The following MEGF8 variants were observed in gnomAD, a reference collection of about 807,000 sequenced individuals.
MEGF8 encodes multiple epidermal growth factor-like domains protein 8.
Under a neutral mutation model 302.9 loss-of-function variants are expected in MEGF8, and 156 were observed. That is an observed-to-expected ratio of 0.52 (90% confidence interval 0.45 to 0.59). MEGF8 has a LOEUF of 0.59. Ranked by LOEUF, MEGF8 falls within the 20% of genes least tolerant of loss-of-function variation. The pLI is 0.00. For synonymous variants in MEGF8, 1,621 were observed against 1,660.5 expected (o/e 0.98, Z 0.58); for missense variants, 3,345 against 3,964.5 (o/e 0.84, Z 4.20).
chr19:42,335,222 AG>A lies in MEGF8; in HGVS notation c.739+8del. On this transcript the variant is annotated splice_region_variant and intron_variant, in intron 4 of 41. Transcript: ENST00000251268. ...CTGCTGGCAGTTTTCGGAGGTGAGCAGATGGGGCGAGTATCTGGGATCTGGA... is the reference window on the plus strand; with the variant it reads ...CTGCTGGCAGTTTTCGGAGGTGAGCAATGGGGCGAGTATCTGGGATCTGGA... 1 of 1,613,994 alleles carries A rather than the reference AG, an allele frequency of 6.2e-7. No individual in the cohort carries two copies. Among genetic ancestry groups the A allele is most frequent in the Non-Finnish European group, 8.5e-7 (1 of 1,179,888 alleles).
intron 23 of MEGF8, 50 bp from the exon 24 acceptor site, chr19:42,355,707 AG>A (rs1225055920): frequency 2.3e-5 from 35 of 1,500,622 alleles, no homozygotes; most frequent in Non-Finnish European, 3.1e-5. Context: ...TGGGGGTGGA[AG>A]GGGCCAGGAA....
chr19:42,369,943 C>T lies in MEGF8; in HGVS notation c.6834+220C>T, dbSNP rs1006858504. 1.3e-5 allele frequency among the ~76,000 whole-genome samples: 2 copies of T among 152,160 alleles called. No homozygotes were observed. The highest frequency in any genetic ancestry group is 6.5e-5 in the Admixed American group (1 of 15,280). On this transcript the variant is annotated intron_variant, in intron 38 of 41. Transcript: ENST00000251268. The surrounding 1 kb of genome is among the most constrained non-coding windows in gnomAD (Gnocchi z 5.7). ...GGAATAGTGGACGGAGTGGGTGCTG[C>T]GCCAGGAGGACAGGCACGTGGAGGA...
Position 42,334,003 on chromosome 19 carries a change from G to A in MEGF8, c.352-4G>A, listed in dbSNP as rs143955737. 3.1e-3 allele frequency: 5,023 copies of A among 1,612,054 alleles called. 231 individuals carry two copies. In the Admixed American group the frequency reaches 0.075, roughly 24 times the overall value. Reference sequence around the variant, plus strand: ...ACCTTACCCAGCACACCTTGTGCCCGCAGATGCTGCTGCACCTCTTCAGTG... The same window carrying A: ...ACCTTACCCAGCACACCTTGTGCCCACAGATGCTGCTGCACCTCTTCAGTG... On this transcript the variant is annotated splice_polypyrimidine_tract_variant and splice_region_variant and intron_variant, in intron 2 of 41. Transcript: ENST00000251268.
chr19:42,375,388 G>A lies in MEGF8; in HGVS notation c.7270-119G>A. 9.4e-7 allele frequency: 1 copy of A among 1,058,568 alleles called. No individual in the cohort carries two copies. The highest frequency in any genetic ancestry group is 1.3e-6 in the Non-Finnish European group (1 of 752,094). The allele number at this position is 1,058,568 out of a possible 1,614,324, so 65.6% of individuals were successfully genotyped here. A position where few individuals can be genotyped will look rare whatever the true frequency, so the allele number is the denominator to read the frequency against. ...CAGGGAAGTGACTGGGGCAGTGGGG[G>A]TGAGGCCCAGGGCAATGGCTACTTA... On this transcript the variant is annotated intron_variant, in intron 41 of 41. Transcript: ENST00000251268. This position sits in a 1 kb window ranked among gnomAD's most constrained non-coding sequence, Gnocchi z 7.1.
chr19:42,334,612 C>T (rs1020060322), intron 3 of MEGF8, among the ~76,000 whole-genome samples: 1 of 152,142 alleles, frequency 6.6e-6, no homozygotes, highest in African/African-American at 2.4e-5. Flanking sequence ...ATCTGGATTG[C>T]GCTTTGAGCC....
chr19:42,336,799 T>G lies in MEGF8; in HGVS notation c.1245-8T>G. On this transcript the variant is annotated splice_polypyrimidine_tract_variant and splice_region_variant and intron_variant, in intron 6 of 41. Transcript: ENST00000251268. This position sits in a 1 kb window ranked among gnomAD's most constrained non-coding sequence, Gnocchi z 4.8. ...CCCTGAGCCCCTGCCCTGCTTCTCCTTCGGTAGGTTCTCTGTGCGAGTGAA... is the reference window on the plus strand; with the variant it reads ...CCCTGAGCCCCTGCCCTGCTTCTCCGTCGGTAGGTTCTCTGTGCGAGTGAA... 6.3e-7 allele frequency: 1 copy of G among 1,574,944 alleles called. No homozygotes were observed. Among genetic ancestry groups the G allele is most frequent in the Non-Finnish European group, 8.6e-7 (1 of 1,160,796 alleles).
At chr19:42,330,193 G>A (rs2039037687) in intron 1 of MEGF8, among the ~76,000 whole-genome samples, 1 of 152,108 alleles carries the variant, frequency 6.6e-6, no homozygotes, top group African/African-American at 2.4e-5. Flanking sequence ...TCTGCCCTGG[G>A]ATTACAGACG....
At position 42,370,785 on chromosome 19, in the gene MEGF8, G is replaced by C; in HGVS notation, c.7090G>C (p.Glu2364Gln). The change falls in exon 40 of 42, where the codon GAG becomes CAG. Residue 2364 changes from glutamate to glutamine, a missense_variant. By Grantham distance (29) the Glu-to-Gln change is conservative. Transcript: ENST00000251268. ...CQNNSYGEKC[E>Q]SCLQGYFLLD... ...GAATAACAGCTATGGGGAGAAATGCGAGAGCTGCCTGCAGGGCTACTTCCT... is the reference window on the plus strand; with the variant it reads ...GAATAACAGCTATGGGGAGAAATGCCAGAGCTGCCTGCAGGGCTACTTCCT... The C allele has an allele frequency of 1.3e-6, 2 of 1,516,810 alleles. No homozygotes were observed. Among genetic ancestry groups the C allele is most frequent in the Non-Finnish European group, 9.0e-7 (1 of 1,116,468 alleles). 94.0% of individuals were successfully genotyped at this position (1,516,810 alleles called of 1,614,324 possible).
At chr19:42,330,544 G>T (rs2039042517) in intron 1 of MEGF8, among the ~76,000 whole-genome samples, 1 of 152,196 alleles carries the variant, frequency 6.6e-6, no homozygotes, top group South Asian at 2.1e-4. Context: ...CTGATGTCTT[G>T]GGGGCTCTGG....
In MEGF8 at chr19:42,374,733, T is replaced by C. The variant is rs552035969; in HGVS notation, c.7270-774T>C. Among the ~76,000 whole-genome samples, 14 of 152,336 alleles carry C rather than the reference T, an allele frequency of 9.2e-5. No homozygotes were observed. In the South Asian group the frequency reaches 2.9e-3, roughly 32 times the overall value. On this transcript the variant is annotated intron_variant, in intron 41 of 41. Coordinates refer to ENST00000251268, the MANE Select transcript of MEGF8 (RefSeq NM_001271938.2). ...CTGTCTTTAGGAGTTTGCATTCTCATGGAGGCATCAGAAATGAACAAACAA... is the reference window on the plus strand; with the variant it reads ...CTGTCTTTAGGAGTTTGCATTCTCACGGAGGCATCAGAAATGAACAAACAA...
chr19:42,343,819 A>G, intron 9 of MEGF8, 135 bp from the exon 10 acceptor site: 1 of 1,378,226 alleles, frequency 7.3e-7, no homozygotes. Context: ...TGGGGGAGGA[A>G]TGGATGGGCA....
In MEGF8 at chr19:42,351,215, G is replaced by A; in HGVS notation, c.2737-1G>A. The A allele has an allele frequency of 6.4e-7, 1 of 1,557,922 alleles. No homozygotes were observed. Among genetic ancestry groups the A allele is most frequent in the Non-Finnish European group, 8.7e-7 (1 of 1,150,990 alleles). On this transcript the variant is annotated splice_acceptor_variant, in intron 15 of 41. Transcript: ENST00000251268. LOFTEE classifies it high-confidence loss of function. The surrounding 1 kb of genome is among the most constrained non-coding windows in gnomAD (Gnocchi z 5.6). ...GACTCCTCTGCCCAACTGACCCCCAGGACCCCTTCTGTGAGTGGCATCAGA... is the reference window on the plus strand; with the variant it reads ...GACTCCTCTGCCCAACTGACCCCCAAGACCCCTTCTGTGAGTGGCATCAGA...
At position 42,369,755 on chromosome 19, in the gene MEGF8, C is replaced by T; in HGVS notation, c.6834+32C>T. The T allele has an allele frequency of 1.6e-5, 25 of 1,564,458 alleles. No homozygotes were observed. Among genetic ancestry groups the T allele is most frequent in the Non-Finnish European group, 2.2e-5 (25 of 1,157,152 alleles). On this transcript the variant is annotated intron_variant, in intron 38 of 41. Transcript: ENST00000251268. The surrounding 1 kb of genome is among the most constrained non-coding windows in gnomAD (Gnocchi z 5.7). Reference sequence around the variant, plus strand: ...CGCCCGGAGCCTCAGACCCCCGACCCTGGGACCCAGGCCCTCACTTGCCTT... The same window carrying T: ...CGCCCGGAGCCTCAGACCCCCGACCTTGGGACCCAGGCCCTCACTTGCCTT...
rs1460969535 is a variant in MEGF8 at position 42,378,162 on chromosome 19, T to C, written c.*1387T>C. On this transcript the variant is annotated 3_prime_UTR_variant, in exon 42 of 42. Coordinates refer to ENST00000251268, the MANE Select transcript of MEGF8 (RefSeq NM_001271938.2). ...CACTGAATATTTCAACAGCAGAAAT[T>C]GAATGGGGGGATTGATAGCGCTGGC... 1 of 151,924 alleles carries C rather than the reference T, an allele frequency of 6.6e-6. No homozygotes were observed. The highest frequency in any genetic ancestry group is 6.6e-5 in the Admixed American group (1 of 15,252). 9.4% of individuals were successfully genotyped at this position (151,924 alleles called of 1,614,324 possible). A position where few individuals can be genotyped will look rare whatever the true frequency, so the allele number is the denominator to read the frequency against.
rs1269972290 is a variant in MEGF8, at chr19:42,354,210, C to T, written c.4011+186C>T. ...TCCTAGGCCCACAGACAGACCCCCC[C>T]ATTTCCCAGATAGCTTCCTATTTCC... On this transcript the variant is annotated intron_variant, in intron 22 of 41. Transcript: ENST00000251268. The surrounding 1 kb of genome is among the most constrained non-coding windows in gnomAD (Gnocchi z 4.3). Among the ~76,000 whole-genome samples, 1 of 152,018 alleles carries T rather than the reference C, an allele frequency of 6.6e-6. No homozygotes were observed. The highest frequency in any genetic ancestry group is 1.5e-5 in the Non-Finnish European group (1 of 67,986).
chr19:42,351,545 G>C lies in MEGF8; in HGVS notation c.2972G>C (p.Arg991Pro). Residue 991 changes from arginine to proline, a missense_variant, in exon 17 of 42, where the codon CGA becomes CCA. By Grantham distance (103) the Arg-to-Pro change is moderately radical. Transcript: ENST00000251268. This position sits in a 1 kb window ranked among gnomAD's most constrained non-coding sequence, Gnocchi z 5.6. ...YLARYPHGGC[R>P]GWDDSVHSEP... The stretch of plus-strand genomic sequence containing the variant: ...GCCCGGTACCCACACGGGGGCTGTC[G>C]AGGCTGGGACGACAGGTATGGTCCC... 6.2e-7 allele frequency: 1 copy of C among 1,609,574 alleles called. No homozygotes were observed. Among genetic ancestry groups the C allele is most frequent in the Non-Finnish European group, 8.5e-7 (1 of 1,178,270 alleles).
chr19:42,351,407 G>T lies in MEGF8; in HGVS notation c.2856-22G>T. ...ATGTGTGCTGGCTGTGGAGTGACCT[G>T]GCCCCCTGCTCCCCACCCCAGGCGA... is the stretch of plus-strand genomic sequence containing the variant. On this transcript the variant is annotated intron_variant, in intron 16 of 41. Coordinates refer to ENST00000251268, the MANE Select transcript of MEGF8 (RefSeq NM_001271938.2). This position sits in a 1 kb window ranked among gnomAD's most constrained non-coding sequence, Gnocchi z 5.6. The T allele has an allele frequency of 6.3e-7, 1 of 1,584,056 alleles. No individual in the cohort carries two copies. Among genetic ancestry groups the T allele is most frequent in the Non-Finnish European group, 8.6e-7 (1 of 1,165,570 alleles).
Position 42,349,499 on chromosome 19 carries a change from G to T in MEGF8, c.2299G>T (p.Glu767Ter). 1 of 1,610,810 alleles carries T rather than the reference G, an allele frequency of 6.2e-7. No individual in the cohort carries two copies. Among genetic ancestry groups the T allele is most frequent in the Non-Finnish European group, 8.5e-7 (1 of 1,179,288 alleles). The change falls in exon 14 of 42, where the codon GAG (glutamate) becomes TAG (stop). Residue 767 changes from glutamate (E) to a stop codon, truncating the protein, a stop_gained and splice_region_variant. Transcript: ENST00000251268. LOFTEE classifies it high-confidence loss of function. Reference sequence around the variant, plus strand: ...TGCCTATCACTCACACCTACCCCAGGAGGAGGTGGGGCGCTGGGTGGCTCA... The same window carrying T: ...TGCCTATCACTCACACCTACCCCAGTAGGAGGTGGGGCGCTGGGTGGCTCA... ...MARGPDTENMEEVGRWVAHQE... is the reference protein window; with the variant it reads ...MARGPDTENM
intron 35 of MEGF8, among the ~76,000 whole-genome samples, chr19:42,366,700 T>A (rs765437294): frequency 6.6e-6 from 1 of 152,218 alleles, no homozygotes; most frequent in African/African-American, 2.4e-5. Flanking sequence ...TCAGAACTTA[T>A]GTTCATACAC....
Sources: allele counts gnomAD v4.1 joint callset (sites outside exome capture counted in the v4.1 genomes callset), GRCh38; gene constraint gnomAD v4.1.1; non-coding constraint Gnocchi (gnomAD v3.1); transcripts MANE v1.5; gene names NCBI Gene and HGNC (gene_info 2026-07-23, HGNC 2026-07-21).